Variants in GABRG2 observed in about 807,000 individuals in gnomAD.
The protein encoded by GABRG2 is gamma-aminobutyric acid type A receptor subunit gamma2.
Under a neutral mutation model 56.4 loss-of-function variants are expected in GABRG2, and 16 were observed. That is an observed-to-expected ratio of 0.28 (90% CI 0.19 to 0.43). The LOEUF (loss-of-function observed/expected upper bound fraction) is 0.43. Ranked by LOEUF, GABRG2 falls within the 20% of genes least tolerant of loss-of-function variation. The pLI, the probability that GABRG2 is intolerant of heterozygous loss-of-function variation, is 1.00. For missense variants in GABRG2, 327 were observed against 582.7 expected (o/e 0.56, Z 4.52); for synonymous variants, 208 against 205.5 (o/e 1.01, Z -0.10).
chr5:162,113,869 T>C (rs1385886935), intron 6 of GABRG2, among the ~76,000 whole-genome samples: 1 of 152,184 alleles, frequency 6.6e-6, no homozygotes, highest in East Asian at 1.9e-4. Flanking sequence ...GTTACCAGTA[T>C]TAGTGACTAA....
At chr5:162,125,251 A>G (rs1763251587) in intron 6 of GABRG2, among the ~76,000 whole-genome samples, 1 of 151,504 alleles carries the variant, frequency 6.6e-6, no homozygotes, top group African/African-American at 2.4e-5. Flanking sequence ...TTCCAGTTGA[A>G]TCATTGAGCA....
At chr5:162,127,986 G>C (rs960729431) in intron 6 of GABRG2, among the ~76,000 whole-genome samples, 1 of 151,988 alleles carries the variant, frequency 6.6e-6, no homozygotes, top group Admixed American at 6.6e-5. Context: ...TGCAGGAGGT[G>C]GAAAGCAAGG....
intron 1 of GABRG2, among the ~76,000 whole-genome samples, chr5:162,082,044 GT>G (rs1009068345): frequency 7.9e-5 from 12 of 151,878 alleles, no homozygotes; most frequent in African/African-American, 2.4e-4. Context: ...ACAAAATGAA[GT>G]TTTTTTCCCC....
intron 3 of GABRG2, among the ~76,000 whole-genome samples, chr5:162,097,102 A>G (rs1468099027): frequency 6.6e-6 from 1 of 151,974 alleles, no homozygotes; most frequent in Non-Finnish European, 1.5e-5. Flanking sequence ...CCTGCTTATG[A>G]CTTTTTTGCA....
In GABRG2 at chr5:162,153,262, G is replaced by A. The variant is rs1185825703; in HGVS notation, c.1322G>A (p.Arg441Lys). 6.2e-7 allele frequency: 1 copy of A among 1,614,058 alleles called. No homozygotes were observed. Among genetic ancestry groups the A allele is most frequent in the Non-Finnish European group, 8.5e-7 (1 of 1,179,974 alleles). Residue 441 changes from arginine to lysine, a missense_variant, in exon 10 of 10, where the codon AGG becomes AAG. Coordinates refer to ENST00000639213, the MANE Select transcript of GABRG2 (RefSeq NM_198904.4). ...DCRTGAWRHG[R>K]IHIRIAKMDS... ...CGAACAGGAGCTTGGAGACATGGGA[G>A]GATACATATCCGCATTGCCAAAATG...
At chr5:162,112,136 T>C (rs1369591844) in intron 6 of GABRG2, among the ~76,000 whole-genome samples, 1 of 152,110 alleles carries the variant, frequency 6.6e-6, no homozygotes, top group Admixed American at 6.6e-5. Flanking sequence ...TTGTGAAAAC[T>C]TGTTCTTTGA....
At chr5:162,146,953 C>G (rs1016555452) in intron 7 of GABRG2, among the ~76,000 whole-genome samples, 1 of 152,194 alleles carries the variant, frequency 6.6e-6, no homozygotes, top group African/African-American at 2.4e-5. Context: ...TGTAGCTGAA[C>G]TCTTCAAAAA....
At chr5:162,140,507 C>G (rs1288564794) in intron 6 of GABRG2, among the ~76,000 whole-genome samples, 1 of 152,156 alleles carries the variant, frequency 6.6e-6, no homozygotes, top group East Asian at 1.9e-4. Flanking sequence ...CCCGCTAATT[C>G]AATCTTCTCT....
At chr5:162,082,054 C>T (rs987792205) in intron 1 of GABRG2, among the ~76,000 whole-genome samples, 1 of 151,638 alleles carries the variant, frequency 6.6e-6, no homozygotes, top group African/African-American at 2.4e-5. Context: ...GTTTTTTTCC[C>T]CTTGAGAGTA....
intron 6 of GABRG2, among the ~76,000 whole-genome samples, chr5:162,129,543 G>C (rs903801814): frequency 6.6e-6 from 1 of 151,678 alleles, no homozygotes; most frequent in Non-Finnish European, 1.5e-5. Context: ...GAGTCCTTGT[G>C]CTAAAACACC....
chr5:162,095,450 C>T (rs966382776), intron 2 of GABRG2, 45 bp from the exon 3 acceptor site: 1 of 1,130,728 alleles, frequency 8.8e-7, no homozygotes, highest in Non-Finnish European at 1.3e-6. Context: ...ACATTAAAAT[C>T]TTGCACCTCT....
chr5:162,106,548 T>C (rs370041571), intron 6 of GABRG2, among the ~76,000 whole-genome samples: 57 of 152,226 alleles, frequency 3.7e-4, no homozygotes, highest in Non-Finnish European at 7.1e-4. Context: ...GTGTAACTAA[T>C]GAATGTCTAC....
At chr5:162,096,480 A>G (rs1459606167) in intron 3 of GABRG2, among the ~76,000 whole-genome samples, 1 of 152,188 alleles carries the variant, frequency 6.6e-6, no homozygotes, top group Admixed American at 6.6e-5. Context: ...GCCAAAATGT[A>G]GAATATAAAT....
intron 1 of GABRG2, 43 bp from the exon 2 acceptor site, chr5:162,093,785 G>A (rs886796453): frequency 1.3e-6 from 2 of 1,582,108 alleles, no homozygotes; most frequent in African/African-American, 1.3e-5. Flanking sequence ...AAGTCAACTT[G>A]TGTGTAATCT....
chr5:162,137,422 T>C (rs532911637), intron 6 of GABRG2, among the ~76,000 whole-genome samples: 23 of 152,224 alleles, frequency 1.5e-4, no homozygotes, highest in Non-Finnish European at 2.5e-4. Flanking sequence ...CCAAGGAATT[T>C]ATTTTTTCCT....
intron 1 of GABRG2, among the ~76,000 whole-genome samples, chr5:162,078,381 ATATATATATATATATATTTTTT>A (rs1316558264): frequency 3.4e-5 from 1 of 29,304 alleles, no homozygotes; most frequent in African/African-American, 1.5e-4. Flanking sequence ...ATATATATAT[ATATATATATATATATATTTTTT>A]TTTTTTTTTT....
intron 6 of GABRG2, among the ~76,000 whole-genome samples, chr5:162,130,218 G>A (rs1763639292): frequency 6.6e-6 from 1 of 151,936 alleles, no homozygotes; most frequent in Non-Finnish European, 1.5e-5. Flanking sequence ...GCAGGGGTGT[G>A]ATAGTTGAAA....
intron 3 of GABRG2, among the ~76,000 whole-genome samples, chr5:162,097,096 C>T (rs1761052533): frequency 1.3e-5 from 2 of 152,098 alleles, no homozygotes; most frequent in Non-Finnish European, 2.9e-5. Flanking sequence ...AGATCTCCTG[C>T]TTATGACTTT....
At chr5:162,141,096 G>A (rs371018357) in intron 6 of GABRG2, among the ~76,000 whole-genome samples, 3 of 151,982 alleles carry the variant, frequency 2.0e-5, no homozygotes, top group Admixed American at 6.5e-5. Context: ...TAGTGCAGTG[G>A]CGCCATCTCG....
Sources: allele counts gnomAD v4.1 joint callset (sites outside exome capture counted in the v4.1 genomes callset), GRCh38; gene constraint gnomAD v4.1.1; transcripts MANE v1.5; gene names NCBI Gene and HGNC (gene_info 2026-07-23, HGNC 2026-07-21).